The following ENTREP2 variants were observed in gnomAD, a reference collection of about 807,000 sequenced individuals.
ENTREP2 encodes endosomal transmembrane epsin interactor 2.
At chr15:29,305,535 A>G in the ENTREP2 span, among the ~76,000 whole-genome samples, 1 of 152,326 alleles carries the variant, frequency 6.6e-6, no homozygotes, top group South Asian at 2.1e-4. Flanking sequence ...ATATACTACG[A>G]AGGCAGAGCT....
At chr15:29,674,927 C>G in the ENTREP2 span, 1 of 153,146 alleles carries the variant, frequency 6.5e-6, no homozygotes, top group Admixed American at 6.5e-5. Context: ...CTCCCCGCCC[C>G]TTCCCGTGGG....
chr15:29,190,542 T>G, the ENTREP2 span, among the ~76,000 whole-genome samples: 1 of 152,214 alleles, frequency 6.6e-6, no homozygotes, highest in Non-Finnish European at 1.5e-5. Flanking sequence ...GGTTTCTGCT[T>G]TTTTCCCTGA....
chr15:29,532,570 G>A, the ENTREP2 span, among the ~76,000 whole-genome samples: 1 of 152,150 alleles, frequency 6.6e-6, no homozygotes. Context: ...CCTGGTCACT[G>A]ATGTGCCAAA....
chr15:29,197,909 C>T, the ENTREP2 span, among the ~76,000 whole-genome samples: 3 of 152,292 alleles, frequency 2.0e-5, no homozygotes, highest in East Asian at 5.8e-4. Flanking sequence ...AGTACAAATA[C>T]TTTTCAGACA....
the ENTREP2 span, among the ~76,000 whole-genome samples, chr15:29,135,177 A>C: frequency 3.4e-5 from 5 of 147,506 alleles, no homozygotes; most frequent in Admixed American, 2.0e-4. The surrounding 1 kb of genome is among the most constrained non-coding windows in gnomAD (Gnocchi z 7.4). Flanking sequence ...GCTCCAACTC[A>C]CTGCTGTGTT....
At chr15:29,645,789 T>C in the ENTREP2 span, among the ~76,000 whole-genome samples, 208 of 152,290 alleles carry the variant, frequency 1.4e-3, 1 homozygote, top group African/African-American at 4.8e-3. Flanking sequence ...CTCAATCTCC[T>C]GACCTCGTGA....
the ENTREP2 span, among the ~76,000 whole-genome samples, chr15:29,600,898 C>CTTTTTTTTTTTTTTTTTTTTT: frequency 9.0e-3 from 1,120 of 125,064 alleles, 168 homozygotes; most frequent in East Asian, 0.023. Flanking sequence ...TATGATTTTT[C>CTTTTTTTTTTTTTTTTTTTTT]TTTCTTTTTT....
At chr15:29,299,399 G>T in the ENTREP2 span, among the ~76,000 whole-genome samples, 74 of 152,300 alleles carry the variant, frequency 4.9e-4, no homozygotes, top group African/African-American at 1.7e-3. Context: ...TGCCTCTTCA[G>T]CGTCACCTTT....
the ENTREP2 span, among the ~76,000 whole-genome samples, chr15:29,368,337 A>ATATATATATAT: frequency 2.3e-4 from 34 of 146,186 alleles, no homozygotes; most frequent in African/African-American, 8.2e-4. Context: ...CAAAAAAAAA[A>ATATATATATAT]ATATATATAT....
chr15:29,632,843 T>C, the ENTREP2 span, among the ~76,000 whole-genome samples: 1 of 152,178 alleles, frequency 6.6e-6, no homozygotes, highest in African/African-American at 2.4e-5. Context: ...CCTCTACCTG[T>C]TGGTTTTACA....
the ENTREP2 span, among the ~76,000 whole-genome samples, chr15:29,254,745 T>G: frequency 1.3e-5 from 2 of 152,072 alleles, no homozygotes; most frequent in African/African-American, 4.8e-5. Flanking sequence ...TAATCCCAGC[T>G]ACTCAGGAGC....
chr15:29,377,425 G>C, the ENTREP2 span, among the ~76,000 whole-genome samples: 2 of 152,054 alleles, frequency 1.3e-5, no homozygotes, highest in Non-Finnish European at 2.9e-5. Flanking sequence ...CCAGCTTTTT[G>C]GCACACAGAT....
the ENTREP2 span, among the ~76,000 whole-genome samples, chr15:29,204,850 A>G: frequency 6.6e-6 from 1 of 152,132 alleles, no homozygotes; most frequent in African/African-American, 2.4e-5. Flanking sequence ...TACCATCTTC[A>G]CCATTTGTCG....
chr15:29,565,917 C>T, the ENTREP2 span, among the ~76,000 whole-genome samples: 20 of 151,180 alleles, frequency 1.3e-4, no homozygotes, highest in African/African-American at 4.4e-4. Flanking sequence ...GCCGAGATCA[C>T]GCCACTGCAC....
the ENTREP2 span, among the ~76,000 whole-genome samples, chr15:29,323,198 C>T: frequency 2.0e-5 from 3 of 152,282 alleles, no homozygotes; most frequent in African/African-American, 7.2e-5. Flanking sequence ...TGGGGTTGCT[C>T]ACTGGAAAGA....
chr15:29,570,327 C>A, the ENTREP2 span, among the ~76,000 whole-genome samples: 1 of 151,764 alleles, frequency 6.6e-6, no homozygotes, highest in African/African-American at 2.4e-5. Context: ...AGCGGCGAGC[C>A]GGGCCCTGGA....
the ENTREP2 span, among the ~76,000 whole-genome samples, chr15:29,525,273 CAT>C: frequency 6.6e-6 from 1 of 152,228 alleles, no homozygotes; most frequent in African/African-American, 2.4e-5. Context: ...GAACTGAAAA[CAT>C]GTGTTCACTC....
At chr15:29,270,276 A>G in the ENTREP2 span, among the ~76,000 whole-genome samples, 5 of 152,184 alleles carry the variant, frequency 3.3e-5, no homozygotes, top group African/African-American at 1.2e-4. Context: ...CACTGCCCCC[A>G]GTTACTTTCT....
At chr15:29,402,942 T>A in the ENTREP2 span, among the ~76,000 whole-genome samples, 3 of 152,128 alleles carry the variant, frequency 2.0e-5, no homozygotes, top group Non-Finnish European at 4.4e-5. Flanking sequence ...AATGTTCCCA[T>A]CAGCAGGCGG....
Sources: gnomAD v4.1 joint callset for allele counts (sites outside exome capture counted in the v4.1 genomes callset) on GRCh38, gnomAD v4.1.1 for gene constraint, Gnocchi (gnomAD v3.1) non-coding constraint, MANE v1.5 for transcripts, NCBI Gene and HGNC (gene_info 2026-07-23, HGNC 2026-07-21) for gene names.